Variants in ASB18 observed in about 807,000 individuals in gnomAD.
ASB18 encodes the protein ankyrin repeat and SOCS box protein 18.
ASB18 carries 33 observed loss-of-function variants against 33.4 expected under a neutral mutation model. The observed-to-expected ratio is 0.99, with a 90% confidence interval of 0.75 to 1.32. The LOEUF (loss-of-function observed/expected upper bound fraction) is 1.32. ASB18 is among the 40% of genes most tolerant of loss of function. The pLI is 0.00. For synonymous variants in ASB18, 295 were observed against 307.6 expected (o/e 0.96, Z 0.43); for missense variants, 694 against 655.5 (o/e 1.06, Z -0.64).
rs929158617 is a variant in ASB18, at chr2:236,255,389, C to T, written c.205+8752G>A. ...GAACTCCTGACCTCAGGTGATCTGC[C>T]CCCCTCGGCCTATCAAAGTGCTGGG... is the stretch of plus-strand genomic sequence containing the variant. On this transcript the variant is annotated intron_variant, in intron 1 of 5. Transcript: ENST00000409749. This position sits in a 1 kb window ranked among gnomAD's most constrained non-coding sequence, Gnocchi z 4.4. Among the ~76,000 whole-genome samples, 8 of 152,182 alleles carry T rather than the reference C, an allele frequency of 5.3e-5. No individual in the cohort carries two copies. The highest frequency in any genetic ancestry group is 1.4e-4 in the African/African-American group (6 of 41,438).
chr2:236,250,370 G>GA lies in ASB18; in HGVS notation c.206-8969dup, dbSNP rs2060663425. 2 of 152,386 alleles carry GA rather than the reference G, an allele frequency of 1.3e-5. No individual in the cohort carries two copies. The highest frequency in any genetic ancestry group is 4.1e-4 in the South Asian group (2 of 4,824). The allele number at this position is 152,386 out of a possible 1,614,324, so 9.4% of individuals were successfully genotyped here. A position where few individuals can be genotyped will look rare whatever the true frequency, so the allele number is the denominator to read the frequency against. On this transcript the variant is annotated intron_variant, in intron 1 of 5. Coordinates refer to ENST00000409749, the MANE Select transcript of ASB18 (RefSeq NM_212556.4). This position sits in a 1 kb window ranked among gnomAD's most constrained non-coding sequence, Gnocchi z 4.1. ...CCTGCCATTTTCTCTTGTTCTTGGG[G>GA]AATGGCAAATGTTCAGATTCTTTCC...
At chr2:236,243,604 C>T (rs975001491) in intron 1 of ASB18, among the ~76,000 whole-genome samples, 7 of 152,146 alleles carry the variant, frequency 4.6e-5, no homozygotes, top group South Asian at 2.1e-4. Context: ...TGATCTGGGG[C>T]CCTGGTACCT....
rs1326343577 is a variant in ASB18 at position 236,260,624 on chromosome 2, G to A, written c.205+3517C>T. On this transcript the variant is annotated intron_variant, in intron 1 of 5. Coordinates refer to ENST00000409749, the MANE Select transcript of ASB18 (RefSeq NM_212556.4). The surrounding 1 kb of genome is among the most constrained non-coding windows in gnomAD (Gnocchi z 5.1). ...GCGACAGTGAGTCTTTGGGATTATG[G>A]CCTCAGAGAAGCATGGAGAAGGAGG... is the stretch of plus-strand genomic sequence containing the variant. Among the ~76,000 whole-genome samples the A allele has an allele frequency of 6.6e-6, 1 of 152,174 alleles. No homozygotes were observed. Among genetic ancestry groups the A allele is most frequent in the African/African-American group, 2.4e-5 (1 of 41,446 alleles).
intron 3 of ASB18, among the ~76,000 whole-genome samples, chr2:236,230,232 C>T (rs1312216865): frequency 6.6e-6 from 1 of 151,652 alleles, no homozygotes; most frequent in Non-Finnish European, 1.5e-5. Context: ...ACCAAACTGT[C>T]AGCTCATAAT....
rs1317559967 is a variant in ASB18 at position 236,217,747 on chromosome 2, T to C, written c.597-2881A>G. Among the ~76,000 whole-genome samples, 1 of 152,230 alleles carries C rather than the reference T, an allele frequency of 6.6e-6. No individual in the cohort carries two copies. The highest frequency in any genetic ancestry group is 2.4e-5 in the African/African-American group (1 of 41,460). ...GATTGTCTCGTTTCTACATCAGCAG[T>C]GTCTTGAGAAGTGGTCTGTCTTGAG... is the stretch of plus-strand genomic sequence containing the variant. On this transcript the variant is annotated intron_variant, in intron 3 of 5. Coordinates refer to ENST00000409749, the MANE Select transcript of ASB18 (RefSeq NM_212556.4). The surrounding 1 kb of genome is among the most constrained non-coding windows in gnomAD (Gnocchi z 5.2).
chr2:236,204,740 T>C lies in ASB18; in HGVS notation c.1102-8355A>G, dbSNP rs188173154. On this transcript the variant is annotated intron_variant, in intron 4 of 5. Coordinates refer to ENST00000409749, the MANE Select transcript of ASB18 (RefSeq NM_212556.4). The surrounding 1 kb of genome is among the most constrained non-coding windows in gnomAD (Gnocchi z 5.1). ...ATAGCAAACTCATTCTTGTAGTCTC[T>C]TGGGCTGGAATCAGAGTCATCCATT... Among the ~76,000 whole-genome samples the C allele has an allele frequency of 1.5e-4, 23 of 151,912 alleles. No individual in the cohort carries two copies. Among genetic ancestry groups the C allele is most frequent in the African/African-American group, 4.1e-4 (17 of 41,380 alleles).
In ASB18 at chr2:236,214,791, G is replaced by A; in HGVS notation, c.672C>T (p.His224=). Residue 224 remains histidine, a synonymous_variant, in exon 4 of 6, where the codon CAC becomes CAT. Coordinates refer to ENST00000409749, the MANE Select transcript of ASB18 (RefSeq NM_212556.4). This position sits in a 1 kb window ranked among gnomAD's most constrained non-coding sequence, Gnocchi z 6.5. ...VGGTGRDTPL[H]VAAQRGLDEH... is the part of the protein sequence containing the mutation. Reference sequence around the variant, plus strand: ...CGTCCAGGCCGCGCTGCGCCGCCACGTGCAGCGGCGTGTCCCGGCCCGTGC... The same window carrying A: ...CGTCCAGGCCGCGCTGCGCCGCCACATGCAGCGGCGTGTCCCGGCCCGTGC... 2 of 1,204,324 alleles carry A rather than the reference G, an allele frequency of 1.7e-6. No homozygotes were observed. Among genetic ancestry groups the A allele is most frequent in the Non-Finnish European group, 1.0e-6 (1 of 969,892 alleles). 74.6% of individuals were successfully genotyped at this position (1,204,324 alleles called of 1,614,324 possible). A position where few individuals can be genotyped will look rare whatever the true frequency, so the allele number is the denominator to read the frequency against.
rs750312906 is a variant in ASB18, at chr2:236,238,721, G to C, written c.329-765C>G. The stretch of plus-strand genomic sequence containing the variant: ...TGGCACTTTCAAAAAGCCCGTGGAA[G>C]GTTGTTAGCGGCCAGGAGCGCTCGT... On this transcript the variant is annotated intron_variant, in intron 2 of 5. Transcript: ENST00000409749. This position sits in a 1 kb window ranked among gnomAD's most constrained non-coding sequence, Gnocchi z 5.2. Among the ~76,000 whole-genome samples, 57 of 152,132 alleles carry C rather than the reference G, an allele frequency of 3.7e-4. 1 individual carries two copies. Among genetic ancestry groups the C allele is most frequent in the Non-Finnish European group, 7.4e-4 (50 of 68,024 alleles).
rs1574676966 is a variant in ASB18, at chr2:236,264,310, G to C, written c.36C>G (p.Leu12=). The C allele has an allele frequency of 6.2e-7, 1 of 1,614,006 alleles. No individual in the cohort carries two copies. The change falls in exon 1 of 6, where the codon CTC becomes CTG. Residue 12 remains leucine (L), a synonymous_variant. Transcript: ENST00000409749. This position sits in a 1 kb window ranked among gnomAD's most constrained non-coding sequence, Gnocchi z 5.1. ...SNSDYLPDYP[L]NSDLVKRLKS... ...TTAATCTCTTCACTAAATCTGAGTT[G>C]AGTGGGTAGTCGGGAAGGTAATCCG...
rs577029341 is a variant in ASB18, at chr2:236,262,000, A to G, written c.205+2141T>C. On this transcript the variant is annotated intron_variant, in intron 1 of 5. Coordinates refer to ENST00000409749, the MANE Select transcript of ASB18 (RefSeq NM_212556.4). ...ACAACACGTGGGAATTGTGGGAGCTATAATTCAAGATGAGATTTGGGTGGG... is the reference window on the plus strand; with the variant it reads ...ACAACACGTGGGAATTGTGGGAGCTGTAATTCAAGATGAGATTTGGGTGGG... Among the ~76,000 whole-genome samples, 3 of 152,342 alleles carry G rather than the reference A, an allele frequency of 2.0e-5. No individual in the cohort carries two copies. The East Asian group carries it at 5.8e-4, about 29-fold the overall frequency.
intron 4 of ASB18, among the ~76,000 whole-genome samples, chr2:236,202,794 A>AAAAAAATATATATAT (rs1553599229): frequency 2.5e-5 from 3 of 117,690 alleles, no homozygotes; most frequent in Non-Finnish European, 5.0e-5. Flanking sequence ...AAAAAAAAAA[A>AAAAAAATATATATAT]ATATATATAT....
In ASB18 at chr2:236,214,537, G is replaced by A. The variant is rs1346201314; in HGVS notation, c.926C>T (p.Ala309Val). ...GGCGCCGTGCCGCAGTAGGAGGCGC[G>A]CCAGGCTGTGGCTCGCGTGGCCGCA... ...KACGHASHSLARLLLRHGADA... is the reference protein window; with the variant it reads ...KACGHASHSLVRLLLRHGADA... The change falls in exon 4 of 6, where the codon GCG becomes GTG. Residue 309 changes from alanine to valine, a missense_variant. By Grantham distance (64) the Ala-to-Val change is moderately conservative. Coordinates refer to ENST00000409749, the MANE Select transcript of ASB18 (RefSeq NM_212556.4). The surrounding 1 kb of genome is among the most constrained non-coding windows in gnomAD (Gnocchi z 6.5). 4 of 1,422,680 alleles carry A rather than the reference G, an allele frequency of 2.8e-6. No individual in the cohort carries two copies. The highest frequency in any genetic ancestry group is 3.1e-5 in the Admixed American group (1 of 32,018). 88.1% of individuals were successfully genotyped at this position (1,422,680 alleles called of 1,614,324 possible). A position where few individuals can be genotyped will look rare whatever the true frequency, so the allele number is the denominator to read the frequency against.
chr2:236,252,846 C>T lies in ASB18; in HGVS notation c.205+11295G>A, dbSNP rs1413699991. On this transcript the variant is annotated intron_variant, in intron 1 of 5. Transcript: ENST00000409749. This position sits in a 1 kb window ranked among gnomAD's most constrained non-coding sequence, Gnocchi z 7.9. ...CCAGCTGTAGGGAGGACTTGTCACC[C>T]CAGCTGTCAGCTCCTCCATGGTTTG... 3.9e-5 allele frequency among the ~76,000 whole-genome samples: 6 copies of T among 152,162 alleles called. No homozygotes were observed. Among genetic ancestry groups the T allele is most frequent in the African/African-American group, 9.7e-5 (4 of 41,436 alleles).
chr2:236,221,005 G>T lies in ASB18; in HGVS notation c.597-6139C>A, dbSNP rs1377443. Among the ~76,000 whole-genome samples, 25,287 of 152,104 alleles carry T rather than the reference G, an allele frequency of 0.17. 2,173 individuals carry two copies. The highest frequency in any genetic ancestry group is 0.24 in the South Asian group (1,142 of 4,804). On this transcript the variant is annotated intron_variant, in intron 3 of 5. Coordinates refer to ENST00000409749, the MANE Select transcript of ASB18 (RefSeq NM_212556.4). The surrounding 1 kb of genome is among the most constrained non-coding windows in gnomAD (Gnocchi z 5.6). ...TGGCACAGTAACCGGTTCTCACCCA[G>T]TCCTCCTAGCTACCTGGCACGGTAG...
Position 236,213,553 on chromosome 2 carries a change from C to G in ASB18, c.1101+809G>C, listed in dbSNP as rs1284441132. The G allele has an allele frequency of 6.6e-6, 1 of 152,144 alleles. No homozygotes were observed. The highest frequency in any genetic ancestry group is 2.4e-5 in the African/African-American group (1 of 41,420). 9.4% of individuals were successfully genotyped at this position (152,144 alleles called of 1,614,324 possible). A position where few individuals can be genotyped will look rare whatever the true frequency, so the allele number is the denominator to read the frequency against. Reference sequence around the variant, plus strand: ...TGGAATGACTTCCCTTCAATGAAGTCTTTTCGGGAGGACAACCTGTTACTC... The same window carrying G: ...TGGAATGACTTCCCTTCAATGAAGTGTTTTCGGGAGGACAACCTGTTACTC... On this transcript the variant is annotated intron_variant, in intron 4 of 5. Coordinates refer to ENST00000409749, the MANE Select transcript of ASB18 (RefSeq NM_212556.4). The surrounding 1 kb of genome is among the most constrained non-coding windows in gnomAD (Gnocchi z 4.8).
At position 236,194,862 on chromosome 2, in the gene ASB18, G is replaced by A. The variant is rs374959444; in HGVS notation, c.*10C>T. The A allele has an allele frequency of 4.8e-5, 77 of 1,610,182 alleles. No homozygotes were observed. Among genetic ancestry groups the A allele is most frequent in the African/African-American group, 1.1e-4 (8 of 75,000 alleles). On this transcript the variant is annotated 3_prime_UTR_variant, in exon 6 of 6. Coordinates refer to ENST00000409749, the MANE Select transcript of ASB18 (RefSeq NM_212556.4). The surrounding 1 kb of genome is among the most constrained non-coding windows in gnomAD (Gnocchi z 4.5). ...GGAGAACAACAGTATTGGTTGCAGCGTTCTGCGTTTCAGTGCAAAACACCC... is the reference window on the plus strand; with the variant it reads ...GGAGAACAACAGTATTGGTTGCAGCATTCTGCGTTTCAGTGCAAAACACCC...
rs546866092 is a variant in ASB18 at position 236,200,344 on chromosome 2, G to A, written c.1102-3959C>T. Among the ~76,000 whole-genome samples, 114 of 151,868 alleles carry A rather than the reference G, an allele frequency of 7.5e-4. No individual in the cohort carries two copies. Among genetic ancestry groups the A allele is most frequent in the African/African-American group, 2.5e-3 (104 of 41,444 alleles). On this transcript the variant is annotated intron_variant, in intron 4 of 5. Coordinates refer to ENST00000409749, the MANE Select transcript of ASB18 (RefSeq NM_212556.4). The surrounding 1 kb of genome is among the most constrained non-coding windows in gnomAD (Gnocchi z 4.2). ...AGCCTGGGCGACAGAGCAAGACTCC[G>A]TCTAAAAAAAAAAGAGATGGCGAGT...
chr2:236,200,163 A>G lies in ASB18; in HGVS notation c.1102-3778T>C, dbSNP rs1255686787. ...GGAGTTCGATACTAGCCTGGCCAAC[A>G]TGGTGAAGCTCCATCTCTACTAAAA... On this transcript the variant is annotated intron_variant, in intron 4 of 5. Transcript: ENST00000409749. This position sits in a 1 kb window ranked among gnomAD's most constrained non-coding sequence, Gnocchi z 4.2. Among the ~76,000 whole-genome samples, 1 of 152,132 alleles carries G rather than the reference A, an allele frequency of 6.6e-6. No individual in the cohort carries two copies. The highest frequency in any genetic ancestry group is 1.5e-5 in the Non-Finnish European group (1 of 68,018).
Position 236,196,165 on chromosome 2 carries a change from C to T in ASB18, c.1215+107G>A, listed in dbSNP as rs1264155643. ...CCCTCATTTCCCATTCTTCCTTTTT[C>T]AGATGTATAATACTTAGCCGAATAT... On this transcript the variant is annotated intron_variant, in intron 5 of 5. Coordinates refer to ENST00000409749, the MANE Select transcript of ASB18 (RefSeq NM_212556.4). The surrounding 1 kb of genome is among the most constrained non-coding windows in gnomAD (Gnocchi z 5.6). The T allele has an allele frequency of 2.8e-6, 2 of 721,182 alleles. No homozygotes were observed. The highest frequency in any genetic ancestry group is 5.1e-6 in the Non-Finnish European group (2 of 390,788). 44.7% of individuals were successfully genotyped at this position (721,182 alleles called of 1,614,324 possible).
Sources: gnomAD v4.1 joint callset for allele counts (sites outside exome capture counted in the v4.1 genomes callset) on GRCh38, gnomAD v4.1.1 for gene constraint, Gnocchi (gnomAD v3.1) non-coding constraint, MANE v1.5 for transcripts, NCBI Gene and HGNC (gene_info 2026-07-23, HGNC 2026-07-21) for gene names.